Variants in LUZP2 observed in about 807,000 individuals in gnomAD.
LUZP2 encodes leucine zipper protein 2.
In LUZP2, 52 loss-of-function variants were observed where a neutral mutation model predicts 51.6. That is an observed-to-expected ratio of 1.01 (90% CI 0.81 to 1.27). The LOEUF (loss-of-function observed/expected upper bound fraction) is 1.27, where lower values mean the gene tolerates loss of function less well. Among genes scored for constraint, LUZP2 ranks in the 50% most tolerant of loss-of-function variants. The pLI is 0.00. For missense variants in LUZP2, 436 were observed against 395.4 expected, an observed-to-expected ratio of 1.10 and a Z score of -0.87; for synonymous variants, 154 against 137.3, an observed-to-expected ratio of 1.12 and a Z score of -0.85.
chr11:25,030,900 TA>T (rs1857631277), intron 9 of LUZP2, among the ~76,000 whole-genome samples: 2 of 47,128 alleles, frequency 4.2e-5, no homozygotes, highest in Admixed American at 3.5e-4. Flanking sequence ...ATTATATATA[TA>T]TATAATATAT....
chr11:24,755,346 G>C (rs1057205810), intron 4 of LUZP2, among the ~76,000 whole-genome samples: 1 of 152,064 alleles, frequency 6.6e-6, no homozygotes, highest in Non-Finnish European at 1.5e-5. Flanking sequence ...GGTGACCAAA[G>C]GTCTTAGAAG....
intron 3 of LUZP2, among the ~76,000 whole-genome samples, chr11:24,733,053 T>G (rs1005778393): frequency 6.6e-6 from 1 of 151,800 alleles, no homozygotes; most frequent in African/African-American, 2.4e-5. Flanking sequence ...AGATAGCATG[T>G]GGAATAGATT....
At chr11:24,634,172 T>C (rs1854994276) in intron 1 of LUZP2, among the ~76,000 whole-genome samples, 1 of 151,982 alleles carries the variant, frequency 6.6e-6, no homozygotes, top group African/African-American at 2.4e-5. Context: ...ATTATATGAG[T>C]TCATGTATGA....
intron 1 of LUZP2, among the ~76,000 whole-genome samples, chr11:24,628,004 G>A (rs528097493): frequency 6.6e-6 from 1 of 152,204 alleles, no homozygotes; most frequent in South Asian, 2.1e-4. Context: ...TTTACTGTCT[G>A]GGGCATTTTC....
intron 1 of LUZP2, among the ~76,000 whole-genome samples, chr11:24,684,429 G>A (rs1856837523): frequency 6.6e-6 from 1 of 152,034 alleles, no homozygotes; most frequent in African/African-American, 2.4e-5. Context: ...GCATTTGCTT[G>A]TAGTGTTCCT....
intron 5 of LUZP2, among the ~76,000 whole-genome samples, chr11:24,845,334 G>A (rs1357457151): frequency 6.6e-6 from 1 of 152,052 alleles, no homozygotes; most frequent in African/African-American, 2.4e-5. Context: ...TCTTTGTCTT[G>A]GACAATTTAT....
chr11:24,643,318 G>T (rs1216206585), intron 1 of LUZP2, among the ~76,000 whole-genome samples: 1 of 151,600 alleles, frequency 6.6e-6, no homozygotes, highest in Non-Finnish European at 1.5e-5. Flanking sequence ...GAGGTTGGGG[G>T]GTAGAGAAGA....
chr11:25,029,361 T>C (rs1306518558), intron 9 of LUZP2, among the ~76,000 whole-genome samples: 1 of 152,092 alleles, frequency 6.6e-6, no homozygotes, highest in Admixed American at 6.6e-5. Flanking sequence ...ATCTACTAGG[T>C]ACCCACACAA....
At chr11:24,814,030 C>T (rs1461617429) in intron 5 of LUZP2, among the ~76,000 whole-genome samples, 1 of 152,220 alleles carries the variant, frequency 6.6e-6, no homozygotes, top group Admixed American at 6.5e-5. Flanking sequence ...GTGCCTTGTA[C>T]ACAGTGAACA....
intron 9 of LUZP2, among the ~76,000 whole-genome samples, chr11:24,995,709 T>C (rs1856473984): frequency 1.3e-5 from 2 of 152,090 alleles, no homozygotes; most frequent in Non-Finnish European, 2.9e-5. Context: ...TGCCTTGTAT[T>C]TAATATGTAT....
intron 1 of LUZP2, among the ~76,000 whole-genome samples, chr11:24,513,119 T>C (rs183231483): frequency 1.3e-5 from 2 of 152,338 alleles, no homozygotes; most frequent in Non-Finnish European, 2.9e-5. Context: ...TTACTATTAT[T>C]TTAAGAAAAT....
At chr11:24,986,049 A>T (rs954468063) in intron 9 of LUZP2, among the ~76,000 whole-genome samples, 1 of 151,838 alleles carries the variant, frequency 6.6e-6, no homozygotes, top group Non-Finnish European at 1.5e-5. Flanking sequence ...GATACTCTCT[A>T]ATGTATATTT....
intron 5 of LUZP2, among the ~76,000 whole-genome samples, chr11:24,863,174 CA>C (rs1851789691): frequency 6.6e-6 from 1 of 152,094 alleles, no homozygotes; most frequent in Admixed American, 6.6e-5. Context: ...ATAGAATGAC[CA>C]TAAGGCCCAA....
intron 5 of LUZP2, among the ~76,000 whole-genome samples, chr11:24,803,038 A>G (rs1849738660): frequency 6.6e-6 from 1 of 152,098 alleles, no homozygotes; most frequent in Admixed American, 6.6e-5. Context: ...CATCAAAAAC[A>G]GACTAAGACA....
At chr11:25,066,132 C>T (rs1858991287) in intron 10 of LUZP2, among the ~76,000 whole-genome samples, 2 of 151,170 alleles carry the variant, frequency 1.3e-5, no homozygotes, top group Non-Finnish European at 3.0e-5. Context: ...TGTTATACAA[C>T]ATTTTGTCTT....
Position 25,078,857 on chromosome 11 carries a change from C to G in LUZP2, c.*199C>G, listed in dbSNP as rs932709265. On this transcript the variant is annotated 3_prime_UTR_variant, in exon 12 of 12. Transcript: ENST00000336930. The stretch of plus-strand genomic sequence containing the variant: ...GCAATAACCTCATTGAATTGAATAC[C>G]CACAGTCAGAAATATTTTGTTGTCA... 10 of 494,630 alleles carry G rather than the reference C, an allele frequency of 2.0e-5. No individual in the cohort carries two copies. In the East Asian group the frequency reaches 3.3e-4, roughly 16 times the overall value. 30.6% of individuals were successfully genotyped at this position (494,630 alleles called of 1,614,324 possible). A position where few individuals can be genotyped will look rare whatever the true frequency, so the allele number is the denominator to read the frequency against.
chr11:24,649,976 GAC>G (rs138976467), intron 1 of LUZP2, among the ~76,000 whole-genome samples: 32,980 of 146,688 alleles, frequency 0.22, 4,303 homozygotes, highest in African/African-American at 0.37. Flanking sequence ...TACACACAGA[GAC>G]ACACACACAC....
intron 1 of LUZP2, among the ~76,000 whole-genome samples, chr11:24,677,845 C>T (rs1169660951): frequency 2.0e-5 from 3 of 151,732 alleles, no homozygotes; most frequent in African/African-American, 7.3e-5. Flanking sequence ...GTCAGGAGAT[C>T]GATACCATGA....
chr11:25,044,012 A>ACATATATCTGATATATATAGAGTCTATC, intron 9 of LUZP2, among the ~76,000 whole-genome samples: 1 of 85,420 alleles, frequency 1.2e-5, no homozygotes, highest in African/African-American at 4.1e-5. Flanking sequence ...TATATAGTCT[A>ACATATATCTGATATATATAGAGTCTATC]TATATATCTG....
Sources: gnomAD v4.1 joint callset for allele counts (sites outside exome capture counted in the v4.1 genomes callset) on GRCh38, gnomAD v4.1.1 for gene constraint, MANE v1.5 for transcripts, NCBI Gene and HGNC (gene_info 2026-07-23, HGNC 2026-07-21) for gene names.